LTA4H: variants seen among roughly 807,000 people sequenced by gnomAD.
LTA4H encodes leukotriene A4 hydrolase.
LTA4H carries 59 observed loss-of-function variants against 89.8 expected under a neutral mutation model. The ratio of observed to expected loss-of-function variants is 0.66; its 90% CI spans 0.53 to 0.82. The LOEUF is 0.82. LTA4H is among the 40% of genes least tolerant of loss of function. The pLI is 0.00. For synonymous variants in LTA4H, 227 were observed against 253.1 expected (o/e 0.90, Z 0.98); for missense variants, 617 against 727.0 (o/e 0.85, Z 1.74).
Position 96,027,282 on chromosome 12 carries a change from A to G in LTA4H, c.411+162T>C, listed in dbSNP as rs1950522601. The stretch of plus-strand genomic sequence containing the variant: ...ATGAGTGTATTAATAGTGAAAGATA[A>G]AATGAAAATATATAATTCATCTTAT... On this transcript the variant is annotated intron_variant, in intron 3 of 18. Coordinates refer to ENST00000228740, the MANE Select transcript of LTA4H (RefSeq NM_000895.3). 5.6e-6 allele frequency: 3 copies of G among 539,772 alleles called. No individual in the cohort carries two copies. The African/African-American group carries it at 5.9e-5, about 11-fold the overall frequency. 33.4% of individuals were successfully genotyped at this position (539,772 alleles called of 1,614,324 possible).
Position 96,008,987 on chromosome 12 carries a change from C to T in LTA4H, c.1434+107G>A, listed in dbSNP as rs539814091. The T allele has an allele frequency of 1.1e-5, 9 of 822,028 alleles. No individual in the cohort carries two copies. The East Asian group carries it at 2.3e-4, about 21-fold the overall frequency. 50.9% of individuals were successfully genotyped at this position (822,028 alleles called of 1,614,324 possible). A position where few individuals can be genotyped will look rare whatever the true frequency, so the allele number is the denominator to read the frequency against. ...TAGATAAACCTGACTTTCAAATAGC[C>T]TTTCCAAATATAACTGTTTGTGATT... is the stretch of plus-strand genomic sequence containing the variant. On this transcript the variant is annotated intron_variant, in intron 15 of 18. Transcript: ENST00000228740.
Position 96,035,501 on chromosome 12 carries a change from T to C in LTA4H, c.19A>G (p.Thr7Ala). The C allele has an allele frequency of 1.7e-5, 27 of 1,606,826 alleles. No homozygotes were observed. Among genetic ancestry groups the C allele is most frequent in the Non-Finnish European group, 2.2e-5 (26 of 1,176,706 alleles). Residue 7 changes from threonine (T) to alanine (A), a missense_variant, in exon 1 of 19, where the codon ACC becomes GCC. Physicochemically the swap from Thr to Ala is moderately conservative, Grantham distance 58. Coordinates refer to ENST00000228740, the MANE Select transcript of LTA4H (RefSeq NM_000895.3). The part of the protein sequence containing the change: MPEIVD[T>A]CSLASPASVC... ...GAAGCCGGAGAGGCCAACGAACAGG[T>C]ATCCACTATCTCGGGCATGGCTCTG...
Position 96,024,364 on chromosome 12 carries a change from T to G in LTA4H, c.480+115A>C. 9 of 594,662 alleles carry G rather than the reference T, an allele frequency of 1.5e-5. No individual in the cohort carries two copies. In the South Asian group the frequency reaches 2.3e-4, roughly 15 times the overall value. The allele number at this position is 594,662 out of a possible 1,614,324, so 36.8% of individuals were successfully genotyped here. A position where few individuals can be genotyped will look rare whatever the true frequency, so the allele number is the denominator to read the frequency against. On this transcript the variant is annotated intron_variant, in intron 4 of 18. Transcript: ENST00000228740. ...TTTGTTTACATATTTCAGGTAGAAT[T>G]TCATTAAGAAAAATAATTCTAGCTC...
At chr12:96,024,624 C>T (rs1008844349) in intron 3 of LTA4H, 77 bp from the exon 4 acceptor site, 1 of 944,026 alleles carries the variant, frequency 1.1e-6, no homozygotes, top group African/African-American at 1.6e-5. Flanking sequence ...AAAATTGCAG[C>T]ATTGTTCTTA....
intron 2 of LTA4H, 98 bp from the exon 3 acceptor site, chr12:96,027,662 T>C (rs949913338): frequency 4.6e-6 from 3 of 648,672 alleles, no homozygotes; most frequent in Non-Finnish European, 7.4e-6. Flanking sequence ...TAACATAGTA[T>C]GCATTCTCAT....
intron 7 of LTA4H, 124 bp downstream of exon 7, chr12:96,019,044 A>G (rs1592886057): frequency 8.8e-7 from 1 of 1,136,562 alleles, no homozygotes; most frequent in East Asian, 2.4e-5. Flanking sequence ...TGTAGCAACT[A>G]CACATCTACA....
chr12:96,020,214 A>G (rs530726253), intron 6 of LTA4H, among the ~76,000 whole-genome samples: 1 of 152,262 alleles, frequency 6.6e-6, no homozygotes, highest in East Asian at 1.9e-4. Context: ...CTGTAAGACT[A>G]TTCTAGAACA....
At chr12:96,006,634 T>G (rs966119641) in intron 15 of LTA4H, among the ~76,000 whole-genome samples, 4 of 152,184 alleles carry the variant, frequency 2.6e-5, no homozygotes, top group African/African-American at 7.2e-5. Flanking sequence ...AAAAAGTAGA[T>G]TATGGGTAGG....
chr12:96,037,595 A>T (rs1484012593), upstream of LTA4H, among the ~76,000 whole-genome samples: 1 of 151,990 alleles, frequency 6.6e-6, no homozygotes, highest in Admixed American at 6.6e-5. Flanking sequence ...CAATGAAGAG[A>T]AGAGGGAGGT....
Position 96,027,474 on chromosome 12 carries a change from C to T in LTA4H, c.381G>A (p.Lys127=). ...ACTGACTAAAGAGATATGGGTGTTC[C>T]TTCCCAGAAGTCTGTTCAGGAGTGA... is the stretch of plus-strand genomic sequence containing the variant. ...QWLTPEQTSG[K]EHPYLFSQCQ... is the part of the protein sequence containing the mutation. The change falls in exon 3 of 19, where the codon AAG becomes AAA. Residue 127 remains lysine (K), a synonymous_variant. Transcript: ENST00000228740. The T allele has an allele frequency of 6.2e-7, 1 of 1,609,074 alleles. No homozygotes were observed. The highest frequency in any genetic ancestry group is 1.3e-5 in the African/African-American group (1 of 74,756).
chr12:96,010,555 T>C (rs1197655058), intron 14 of LTA4H: 1 of 152,176 alleles, frequency 6.6e-6, no homozygotes, highest in East Asian at 1.9e-4. Context: ...AGGTACTATG[T>C]TGGAGGACAT....
rs529777429 is a variant in LTA4H at position 96,022,565 on chromosome 12, A to G, written c.481-314T>C. On this transcript the variant is annotated intron_variant, in intron 4 of 18. Transcript: ENST00000228740. This position sits in a 1 kb window ranked among gnomAD's most constrained non-coding sequence, Gnocchi z 4.0. ...AGCAATATGGGAAACTGGCTTCTTTAAAAGTGAATGTGAAATTTCTATCCA... is the reference window on the plus strand; with the variant it reads ...AGCAATATGGGAAACTGGCTTCTTTGAAAGTGAATGTGAAATTTCTATCCA... Among the ~76,000 whole-genome samples the G allele has an allele frequency of 1.3e-5, 2 of 152,316 alleles. No homozygotes were observed. Among genetic ancestry groups the G allele is most frequent in the South Asian group, 4.1e-4 (2 of 4,826 alleles).
Position 96,022,848 on chromosome 12 carries a change from G to A in LTA4H, c.481-597C>T, listed in dbSNP as rs1486459950. ...ACTCACAAAACAGATTCAAAAGGAC[G>A]TTATATACTCACTGTAGGACAGAAT... On this transcript the variant is annotated intron_variant, in intron 4 of 18. Coordinates refer to ENST00000228740, the MANE Select transcript of LTA4H (RefSeq NM_000895.3). The surrounding 1 kb of genome is among the most constrained non-coding windows in gnomAD (Gnocchi z 4.0). 6.6e-6 allele frequency among the ~76,000 whole-genome samples: 1 copy of A among 152,136 alleles called. No individual in the cohort carries two copies. Among genetic ancestry groups the A allele is most frequent in the Non-Finnish European group, 1.5e-5 (1 of 68,022 alleles).
chr12:96,024,669 A>ATT (rs5800241), intron 3 of LTA4H, 122 bp from the exon 4 acceptor site: 701 of 409,810 alleles, frequency 1.7e-3, no homozygotes, highest in Middle Eastern at 2.8e-3. Context: ...ATTTCTTGGG[A>ATT]TTTTTTTTTT....
chr12:96,005,148 A>T (rs962235984), intron 16 of LTA4H, among the ~76,000 whole-genome samples: 1 of 152,224 alleles, frequency 6.6e-6, no homozygotes, highest in East Asian at 1.9e-4. Context: ...TTTCGGTTTC[A>T]TCTATTCTTT....
At chr12:96,001,617 A>C (rs1288012977) in intron 18 of LTA4H, among the ~76,000 whole-genome samples, 1 of 152,202 alleles carries the variant, frequency 6.6e-6, no homozygotes, top group East Asian at 1.9e-4. Context: ...GTATGAAAAC[A>C]CTAAAATTTA....
At chr12:96,023,145 G>A (rs1322259334) in intron 4 of LTA4H, among the ~76,000 whole-genome samples, 1 of 152,174 alleles carries the variant, frequency 6.6e-6, no homozygotes, top group Non-Finnish European at 1.5e-5. Context: ...ATATATTCCA[G>A]TAGGGGCTAG....
chr12:96,023,523 A>G (rs1950478106), intron 4 of LTA4H, among the ~76,000 whole-genome samples: 1 of 152,214 alleles, frequency 6.6e-6, no homozygotes, highest in Admixed American at 6.5e-5. Flanking sequence ...GAAGAGCCAG[A>G]GCCCTGGGAT....
At chr12:96,028,906 C>T (rs1242155210) in intron 2 of LTA4H, 149 bp downstream of exon 2, 1 of 550,430 alleles carries the variant, frequency 1.8e-6, no homozygotes, top group East Asian at 3.5e-5. Flanking sequence ...GCTGTATCAA[C>T]TTTAATCTGA....
Sources: allele counts gnomAD v4.1 joint callset (sites outside exome capture counted in the v4.1 genomes callset), GRCh38; gene constraint gnomAD v4.1.1; non-coding constraint Gnocchi (gnomAD v3.1); transcripts MANE v1.5; gene names NCBI Gene and HGNC (gene_info 2026-07-23, HGNC 2026-07-21).